CCDC85A: variants seen among roughly 807,000 people sequenced by gnomAD.
The protein encoded by CCDC85A is coiled-coil domain containing 85A.
CCDC85A carries 38 observed loss-of-function variants against 50.2 expected under a neutral mutation model. The ratio of observed to expected loss-of-function variants is 0.76; its 90% CI spans 0.58 to 0.99. The LOEUF is 0.99. CCDC85A is among the 50% of genes least tolerant of loss of function. The pLI is 0.00. For missense variants in CCDC85A, 820 were observed against 742.0 expected, an observed-to-expected ratio of 1.11 and a Z score of -1.22; for synonymous variants, 366 against 301.4, an observed-to-expected ratio of 1.21 and a Z score of -2.22.
chr2:56,221,588 A>C (rs1487629610), intron 2 of CCDC85A, among the ~76,000 whole-genome samples: 1 of 152,108 alleles, frequency 6.6e-6, no homozygotes, highest in Non-Finnish European at 1.5e-5. Flanking sequence ...ATGAACTATA[A>C]TTGTAACACA....
intron 2 of CCDC85A, chr2:56,235,273 T>C (rs1189210537): frequency 6.6e-6 from 1 of 152,180 alleles, no homozygotes; most frequent in Non-Finnish European, 1.5e-5. Flanking sequence ...GGCCTGACCC[T>C]GCTTAGCTTC....
chr2:56,213,503 A>G (rs1677263672), intron 2 of CCDC85A, among the ~76,000 whole-genome samples: 1 of 151,988 alleles, frequency 6.6e-6, no homozygotes, highest in African/African-American at 2.4e-5. Context: ...CAAGTCAAAG[A>G]TAAAATTACC....
intron 2 of CCDC85A, among the ~76,000 whole-genome samples, chr2:56,319,127 C>T (rs1673049821): frequency 1.3e-5 from 2 of 152,112 alleles, no homozygotes; most frequent in Non-Finnish European, 1.5e-5. Flanking sequence ...AGAATGGAAG[C>T]AGGTAATAAT....
chr2:56,254,585 G>T (rs911717890), intron 2 of CCDC85A, among the ~76,000 whole-genome samples: 1 of 152,078 alleles, frequency 6.6e-6, no homozygotes, highest in African/African-American at 2.4e-5. Context: ...TTCTAGACTG[G>T]GTTTTAATGG....
intron 3 of CCDC85A, among the ~76,000 whole-genome samples, chr2:56,346,441 T>A (rs977837136): frequency 2.0e-5 from 3 of 152,092 alleles, no homozygotes; most frequent in African/African-American, 7.2e-5. Flanking sequence ...GAAGATTAAG[T>A]TAGTTTTATC....
chr2:56,329,252 A>G (rs1176960461), intron 2 of CCDC85A, among the ~76,000 whole-genome samples: 1 of 152,154 alleles, frequency 6.6e-6, no homozygotes, highest in Non-Finnish European at 1.5e-5. Context: ...TTACGTCTCA[A>G]CTTGGATACT....
chr2:56,341,024 T>C (rs562931043), intron 2 of CCDC85A, among the ~76,000 whole-genome samples: 2 of 152,298 alleles, frequency 1.3e-5, no homozygotes, highest in South Asian at 4.2e-4. Context: ...GGCGTACTTC[T>C]GGGGTTTCAT....
intron 2 of CCDC85A, among the ~76,000 whole-genome samples, chr2:56,228,519 C>G (rs1389329098): frequency 6.7e-6 from 1 of 150,158 alleles, no homozygotes; most frequent in East Asian, 1.9e-4. Context: ...TCTTTCTCCC[C>G]TTTATTTTTT....
At chr2:56,210,542 C>T (rs545574641) in intron 2 of CCDC85A, among the ~76,000 whole-genome samples, 5 of 152,130 alleles carry the variant, frequency 3.3e-5, no homozygotes, top group South Asian at 4.1e-4. Flanking sequence ...TGTTTCTACT[C>T]CACAATGTCT....
intron 2 of CCDC85A, among the ~76,000 whole-genome samples, chr2:56,261,272 A>G (rs1670207746): frequency 6.6e-6 from 1 of 152,210 alleles, no homozygotes; most frequent in Admixed American, 6.5e-5. Context: ...AAACAGCACT[A>G]TAAAATAGGT....
chr2:56,375,393 C>G (rs1375935271), intron 4 of CCDC85A, among the ~76,000 whole-genome samples: 1 of 152,178 alleles, frequency 6.6e-6, no homozygotes, highest in Non-Finnish European at 1.5e-5. Context: ...TTATAAGAGA[C>G]ACAGTTTCTC....
chr2:56,379,150 T>G (rs952125912), intron 5 of CCDC85A, among the ~76,000 whole-genome samples: 6 of 152,172 alleles, frequency 3.9e-5, no homozygotes, highest in African/African-American at 7.2e-5. Flanking sequence ...TAAAGTGTTG[T>G]TCAAATATTT....
intron 2 of CCDC85A, among the ~76,000 whole-genome samples, chr2:56,196,893 A>G (rs1676546915): frequency 6.6e-6 from 1 of 152,192 alleles, no homozygotes; most frequent in African/African-American, 2.4e-5. Flanking sequence ...TCAAAAAAAA[A>G]AAAAAAAAAG....
intron 2 of CCDC85A, among the ~76,000 whole-genome samples, chr2:56,276,283 T>G (rs995677286): frequency 1.3e-5 from 2 of 152,130 alleles, no homozygotes; most frequent in Non-Finnish European, 2.9e-5. Flanking sequence ...TTTATTTTGC[T>G]TACTGGCTTT....
intron 2 of CCDC85A, among the ~76,000 whole-genome samples, chr2:56,206,957 G>A (rs933200041): frequency 2.6e-5 from 2 of 78,118 alleles, no homozygotes; most frequent in Admixed American, 1.5e-4. Context: ...CAATGATGAA[G>A]GTGTACTGTT....
intron 2 of CCDC85A, among the ~76,000 whole-genome samples, chr2:56,331,591 G>C (rs1471438207): frequency 6.6e-6 from 1 of 152,026 alleles, no homozygotes; most frequent in Non-Finnish European, 1.5e-5. Flanking sequence ...ACACGTTTAT[G>C]GTGATTATCT....
intron 2 of CCDC85A, among the ~76,000 whole-genome samples, chr2:56,222,237 G>A (rs1170631727): frequency 6.6e-6 from 1 of 152,046 alleles, no homozygotes; most frequent in East Asian, 1.9e-4. Context: ...GAGTATTACA[G>A]TGTAGACACT....
chr2:56,267,446 A>G (rs775362005), intron 2 of CCDC85A, among the ~76,000 whole-genome samples: 3 of 152,176 alleles, frequency 2.0e-5, no homozygotes, highest in Non-Finnish European at 4.4e-5. Context: ...AATCATTTCA[A>G]CTATGTTTTT....
chr2:56,287,205 A>G lies in CCDC85A; in HGVS notation c.1241-55674A>G, dbSNP rs551157584. 4.6e-5 allele frequency among the ~76,000 whole-genome samples: 7 copies of G among 152,328 alleles called. No homozygotes were observed. The East Asian group carries it at 1.4e-3, about 29-fold the overall frequency. On this transcript the variant is annotated intron_variant, in intron 2 of 5. Transcript: ENST00000407595. ...TAACCCAGACTTTTGTCAAGGACTCATGGGAGACCTTCAAGCTAACTTCTA... is the reference window on the plus strand; with the variant it reads ...TAACCCAGACTTTTGTCAAGGACTCGTGGGAGACCTTCAAGCTAACTTCTA...
Sources: allele counts gnomAD v4.1 joint callset (sites outside exome capture counted in the v4.1 genomes callset), GRCh38; gene constraint gnomAD v4.1.1; transcripts MANE v1.5; gene names NCBI Gene and HGNC (gene_info 2026-07-23, HGNC 2026-07-21).